The following LNX1 variants were observed in gnomAD, a reference collection of about 807,000 sequenced individuals.
The protein encoded by LNX1 is ligand of numb-protein X 1.
LNX1 carries 54 observed loss-of-function variants against 68.4 expected under a neutral mutation model. The observed-to-expected ratio is 0.79, with a 90% CI of 0.63 to 0.99. The LOEUF (loss-of-function observed/expected upper bound fraction) is 0.99, where lower values mean the gene tolerates loss of function less well. Among genes scored for constraint, LNX1 ranks in the 50% least tolerant of loss-of-function variants. The pLI, the probability that LNX1 is intolerant of heterozygous loss-of-function variation, is 0.00. For missense variants in LNX1, 906 were observed against 926.4 expected, an observed-to-expected ratio of 0.98 and a Z score of 0.29; for synonymous variants, 336 against 350.0, an observed-to-expected ratio of 0.96 and a Z score of 0.45.
chr4:53,586,531 T>A (rs1732182137), intron 1 of LNX1, among the ~76,000 whole-genome samples: 1 of 151,750 alleles, frequency 6.6e-6, no homozygotes, highest in Admixed American at 6.6e-5. Flanking sequence ...AATCATGGAG[T>A]CTAAGTCCAC....
rs200339068 is a variant in LNX1 at position 53,478,566 on chromosome 4, T to C, written c.1662A>G (p.Thr554=). Residue 554 remains threonine, a splice_region_variant and synonymous_variant, in exon 8 of 11, where the codon ACA becomes ACG. Coordinates refer to ENST00000263925, the MANE Select transcript of LNX1 (RefSeq NM_001126328.3). ...CTTTAAAATCCCTTTACTTTTTACCTGTTTTTATTCTTCCATCTCTGCTTA... is the reference window on the plus strand; with the variant it reads ...CTTTAAAATCCCTTTACTTTTTACCCGTTTTTATTCTTCCATCTCTGCTTA... ...GVISRDGRIK[T]GDILLNVDGV... is the part of the protein sequence containing the mutation. The C allele has an allele frequency of 6.2e-7, 1 of 1,604,416 alleles. No individual in the cohort carries two copies. Among genetic ancestry groups the C allele is most frequent in the Non-Finnish European group, 8.5e-7 (1 of 1,174,480 alleles).
At chr4:53,602,129 G>C (rs1577783507) in intron 2 of LNX1, among the ~76,000 whole-genome samples, 1 of 152,200 alleles carries the variant, frequency 6.6e-6, no homozygotes, top group Non-Finnish European at 1.5e-5. Context: ...ACTAGGATCT[G>C]TCTGTGCAGA....
Position 53,459,562 on chromosome 4 carries a change from T to A in LNX1, c.*1345A>T. ...CCTTAAATCTTGTTCTGTTTGTTAG[T>A]ATGAAAAGTTAACTTTTTTTCCAAA... On this transcript the variant is annotated 3_prime_UTR_variant, in exon 11 of 11. Coordinates refer to ENST00000263925, the MANE Select transcript of LNX1 (RefSeq NM_001126328.3). The A allele has an allele frequency of 6.9e-7, 1 of 1,454,070 alleles. No homozygotes were observed. Among genetic ancestry groups the A allele is most frequent in the Non-Finnish European group, 9.4e-7 (1 of 1,058,744 alleles). 90.1% of individuals were successfully genotyped at this position (1,454,070 alleles called of 1,614,324 possible). A position where few individuals can be genotyped will look rare whatever the true frequency, so the allele number is the denominator to read the frequency against.
intron 4 of LNX1, among the ~76,000 whole-genome samples, chr4:53,499,701 C>T (rs1193826325): frequency 3.9e-5 from 6 of 152,200 alleles, no homozygotes; most frequent in African/African-American, 1.4e-4. Context: ...TTGAAAATTT[C>T]TTCCTTAAAG....
chr4:53,584,445 G>A (rs771421531), intron 1 of LNX1, among the ~76,000 whole-genome samples: 2 of 152,170 alleles, frequency 1.3e-5, no homozygotes, highest in Non-Finnish European at 2.9e-5. Flanking sequence ...TGTGTATAAT[G>A]CCCCAAGACA....
intron 9 of LNX1, among the ~76,000 whole-genome samples, chr4:53,470,713 A>C (rs1723099882): frequency 6.6e-6 from 1 of 152,212 alleles, no homozygotes; most frequent in South Asian, 2.1e-4. Context: ...ACAGAGATCC[A>C]AATCATGAGT....
At position 53,483,330 on chromosome 4, in the gene LNX1, C is replaced by A. The variant is rs185495900; in HGVS notation, c.1351-1476G>T. 2.0e-5 allele frequency among the ~76,000 whole-genome samples: 3 copies of A among 152,320 alleles called. No individual in the cohort carries two copies. The East Asian group carries it at 5.8e-4, about 29-fold the overall frequency. On this transcript the variant is annotated intron_variant, in intron 6 of 10. Coordinates refer to ENST00000263925, the MANE Select transcript of LNX1 (RefSeq NM_001126328.3). Reference sequence around the variant, plus strand: ...ATTAAACCTTTATAAATGACCCATTCTCGGGTATGTCTTTAATAGCAGCAT... The same window carrying A: ...ATTAAACCTTTATAAATGACCCATTATCGGGTATGTCTTTAATAGCAGCAT...
intron 1 of LNX1, among the ~76,000 whole-genome samples, chr4:53,645,296 C>T (rs1201068300): frequency 6.6e-6 from 1 of 152,122 alleles, no homozygotes; most frequent in Non-Finnish European, 1.5e-5. Context: ...GGCTAGATTT[C>T]CTGGCCTTTG....
intron 3 of LNX1, 143 bp downstream of exon 3, chr4:53,507,843 G>C (rs1432455639): frequency 9.2e-7 from 1 of 1,084,950 alleles, no homozygotes; most frequent in East Asian, 2.6e-5. Flanking sequence ...TCACTTTGGC[G>C]AATTGGACAT....
At chr4:53,495,929 T>C in intron 6 of LNX1, 94 bp downstream of exon 6, 6 of 1,412,302 alleles carry the variant, frequency 4.2e-6, no homozygotes, top group Non-Finnish European at 5.8e-6. Context: ...GCATGACACA[T>C]GTGGTAGTGA....
chr4:53,618,471 A>C (rs1733757246), upstream of LNX1, among the ~76,000 whole-genome samples: 1 of 152,202 alleles, frequency 6.6e-6, no homozygotes, highest in Non-Finnish European at 1.5e-5. Context: ...AAGAACAAAA[A>C]CTGGAAATAT....
rs763024805 is a variant in LNX1, at chr4:53,496,280, T to A, written c.1093A>T (p.Asn365Tyr). Residue 365 changes from asparagine (N) to tyrosine (Y), a missense_variant, in exon 6 of 11, where the codon AAC becomes TAC. Physicochemically the swap from Asn to Tyr is moderately radical, Grantham distance 143 (BLOSUM62 -2). Transcript: ENST00000263925. ...TAGGCATCCGGGGCCTGTCCATTGT[T>A]CCTGCTGCGGAACTTCTGTTCACGC... ...VMREQKFRSR[N>Y]NGQAPDAYRP... 4 of 1,614,064 alleles carry A rather than the reference T, an allele frequency of 2.5e-6. No individual in the cohort carries two copies. Among genetic ancestry groups the A allele is most frequent in the Non-Finnish European group, 3.4e-6 (4 of 1,180,046 alleles).
intron 1 of LNX1, among the ~76,000 whole-genome samples, chr4:53,590,249 T>G (rs1732427938): frequency 6.6e-6 from 1 of 152,228 alleles, no homozygotes. Context: ...CTTGTTTCAA[T>G]TCATACCTTG....
intron 2 of LNX1, among the ~76,000 whole-genome samples, chr4:53,508,882 A>T (rs1436175973): frequency 6.6e-6 from 1 of 152,190 alleles, no homozygotes; most frequent in African/African-American, 2.4e-5. Flanking sequence ...AGAGTAAAAC[A>T]GCTTTTGTGG....
chr4:53,501,307 G>GCGGT (rs1412817769), intron 4 of LNX1, among the ~76,000 whole-genome samples: 1 of 119,414 alleles, frequency 8.4e-6, no homozygotes, highest in South Asian at 3.3e-4. Context: ...TTTGGGGGTG[G>GCGGT]GGGGACAGGA....
At chr4:53,590,060 A>G (rs1732413873) in intron 1 of LNX1, among the ~76,000 whole-genome samples, 1 of 152,182 alleles carries the variant, frequency 6.6e-6, no homozygotes, top group Non-Finnish European at 1.5e-5. Context: ...TTAGTAAGAG[A>G]CAAGTGGTGG....
chr4:53,614,305 C>G (rs1395668535), intron 2 of LNX1, among the ~76,000 whole-genome samples: 1 of 152,150 alleles, frequency 6.6e-6, no homozygotes, highest in Non-Finnish European at 1.5e-5. Flanking sequence ...GAACTACTGA[C>G]TCTGGGGCTT....
intron 2 of LNX1, among the ~76,000 whole-genome samples, chr4:53,615,959 C>G (rs753026139): frequency 5.9e-5 from 9 of 152,070 alleles, no homozygotes; most frequent in Non-Finnish European, 1.3e-4. Context: ...TTATTGACTA[C>G]AGTCACCCTG....
At position 53,584,243 on chromosome 4, in the gene LNX1, G is replaced by A. The variant is rs558606658; in HGVS notation, c.-87+7145C>T. ...GATATTTGAATTCTCAACATTTTCCGGCTGTGTTTCAATTCTACAGGGGTC... is the reference window on the plus strand; with the variant it reads ...GATATTTGAATTCTCAACATTTTCCAGCTGTGTTTCAATTCTACAGGGGTC... On this transcript the variant is annotated intron_variant, in intron 1 of 10. Coordinates refer to ENST00000263925, the MANE Select transcript of LNX1 (RefSeq NM_001126328.3). Among the ~76,000 whole-genome samples the A allele has an allele frequency of 1.1e-4, 16 of 152,142 alleles. No homozygotes were observed. The South Asian group carries it at 3.1e-3, about 30-fold the overall frequency.
Sources: allele counts gnomAD v4.1 joint callset (sites outside exome capture counted in the v4.1 genomes callset), GRCh38; gene constraint gnomAD v4.1.1; transcripts MANE v1.5; gene names NCBI Gene and HGNC (gene_info 2026-07-23, HGNC 2026-07-21).